The following GDA variants were observed in gnomAD, a reference collection of about 807,000 sequenced individuals.
The protein encoded by GDA is guanine deaminase.
GDA carries 18 observed loss-of-function variants against 59.6 expected under a neutral mutation model. The ratio of observed to expected loss-of-function variants is 0.30; its 90% CI spans 0.21 to 0.45. The LOEUF (loss-of-function observed/expected upper bound fraction) is 0.45. Ranked by LOEUF, GDA falls within the 20% of genes least tolerant of loss-of-function variation. The pLI, the probability that GDA is intolerant of heterozygous loss-of-function variation, is 1.00. For synonymous variants in GDA, 201 were observed against 201.1 expected (o/e 1.00, Z 0.00); for missense variants, 427 against 552.3 (o/e 0.77, Z 2.27).
At chr9:72,259,407 C>T (rs368816068), downstream of GDA, among the ~76,000 whole-genome samples, 1 of 152,186 alleles carries the variant, frequency 6.6e-6, no homozygotes, top group Non-Finnish European at 1.5e-5. Flanking sequence ...ATGGCCTGTC[C>T]TGGATGCCAG....
chr9:72,134,517 C>A (rs1454428282), intron 1 of GDA, among the ~76,000 whole-genome samples: 3 of 151,938 alleles, frequency 2.0e-5, no homozygotes, highest in African/African-American at 7.2e-5. Flanking sequence ...TTCTCCTGCC[C>A]CAGCCACATG....
intron 1 of GDA, among the ~76,000 whole-genome samples, chr9:72,176,551 T>C (rs1292170746): frequency 1.3e-5 from 2 of 152,202 alleles, no homozygotes; most frequent in African/African-American, 2.4e-5. Context: ...TAATTTCGGG[T>C]ACAGCATCCC....
chr9:72,215,438 T>G (rs1169582704), intron 5 of GDA, among the ~76,000 whole-genome samples: 1 of 152,178 alleles, frequency 6.6e-6, no homozygotes, highest in African/African-American at 2.4e-5. Flanking sequence ...TCGTCCTACC[T>G]TGGGAACAGG....
intron 1 of GDA, among the ~76,000 whole-genome samples, chr9:72,185,710 A>G (rs967605253): frequency 9.2e-5 from 14 of 152,202 alleles, no homozygotes; most frequent in African/African-American, 3.4e-4. Context: ...CTCAAAGAGC[A>G]GTTTACTTTG....
intron 1 of GDA, among the ~76,000 whole-genome samples, chr9:72,174,754 A>T (rs1830357204): frequency 6.6e-6 from 1 of 151,156 alleles, no homozygotes; most frequent in Non-Finnish European, 1.5e-5. Flanking sequence ...TTATATATAT[A>T]TATATATAGA....
rs1840400501 is a variant in GDA, at chr9:72,248,664, A to C, written c.*322A>C. 9.6e-7 allele frequency: 1 copy of C among 1,046,104 alleles called. No homozygotes were observed. Among genetic ancestry groups the C allele is most frequent in the Non-Finnish European group, 1.2e-6 (1 of 868,174 alleles). 64.8% of individuals were successfully genotyped at this position (1,046,104 alleles called of 1,614,324 possible). A position where few individuals can be genotyped will look rare whatever the true frequency, so the allele number is the denominator to read the frequency against. The stretch of plus-strand genomic sequence containing the variant: ...TTAAGCAAAGCCTTTTTCATATTTG[A>C]AAATGTGGAAAGAAAAGATGTTCCT... On this transcript the variant is annotated 3_prime_UTR_variant, in exon 14 of 14. Coordinates refer to ENST00000358399, the MANE Select transcript of GDA (RefSeq NM_004293.5).
At chr9:72,144,261 A>G (rs988755768) in intron 1 of GDA, among the ~76,000 whole-genome samples, 4 of 152,196 alleles carry the variant, frequency 2.6e-5, no homozygotes, top group African/African-American at 9.6e-5. Flanking sequence ...CTTTAAAACA[A>G]GTAATATCAA....
chr9:72,176,933 C>T (rs181157427), intron 1 of GDA, among the ~76,000 whole-genome samples: 1 of 152,188 alleles, frequency 6.6e-6, no homozygotes, highest in East Asian at 1.9e-4. Flanking sequence ...TGAAAACACA[C>T]TACTAATTCT....
chr9:72,198,846 G>GATAGATATATATATAT (rs1554669169), intron 2 of GDA, among the ~76,000 whole-genome samples: 2 of 128,574 alleles, frequency 1.6e-5, no homozygotes, highest in Admixed American at 7.4e-5. Flanking sequence ...TATATAGGGG[G>GATAGATATATATATAT]ATATATATAT....
At chr9:72,221,732 C>T (rs1836903647) in intron 6 of GDA, among the ~76,000 whole-genome samples, 1 of 152,136 alleles carries the variant, frequency 6.6e-6, no homozygotes, top group Non-Finnish European at 1.5e-5. Context: ...CCGATAGGCC[C>T]CAGTGTTTGT....
In GDA at chr9:72,208,058, G is replaced by A. The variant is rs1484254390; in HGVS notation, c.385-2629G>A. Among the ~76,000 whole-genome samples the A allele has an allele frequency of 2.0e-5, 3 of 152,216 alleles. No individual in the cohort carries two copies. The East Asian group carries it at 5.8e-4, about 29-fold the overall frequency. Reference sequence around the variant, plus strand: ...TCAAGGTTACAGTGAGCTGTGATGTGTGATGGCACCTCTGCACTCCAGAGC... The same window carrying A: ...TCAAGGTTACAGTGAGCTGTGATGTATGATGGCACCTCTGCACTCCAGAGC... On this transcript the variant is annotated intron_variant, in intron 3 of 13. Coordinates refer to ENST00000358399, the MANE Select transcript of GDA (RefSeq NM_004293.5).
At chr9:72,235,277 G>A (rs189083844) in intron 10 of GDA, among the ~76,000 whole-genome samples, 2 of 152,222 alleles carry the variant, frequency 1.3e-5, no homozygotes, top group East Asian at 3.9e-4. Context: ...GAAATACATG[G>A]CACTTATTTT....
intron 1 of GDA, among the ~76,000 whole-genome samples, chr9:72,191,832 C>A (rs1832595912): frequency 1.3e-5 from 2 of 152,160 alleles, no homozygotes; most frequent in Admixed American, 1.3e-4. Flanking sequence ...AGGTGATCCA[C>A]CCACCTCGGC....
chr9:72,212,503 C>T (rs929658675), intron 4 of GDA, among the ~76,000 whole-genome samples: 3 of 151,664 alleles, frequency 2.0e-5, no homozygotes, highest in Admixed American at 1.3e-4. Flanking sequence ...AGAATAGTAG[C>T]AGTATGTTGC....
rs536401790 is a variant in GDA, at chr9:72,212,473, C to T, written c.473-1413C>T. Among the ~76,000 whole-genome samples, 23 of 151,022 alleles carry T rather than the reference C, an allele frequency of 1.5e-4. No homozygotes were observed. In the South Asian group the frequency reaches 1.7e-3, roughly 11 times the overall value. ...CTCCAGCCTGGGCGACAGAGTGAGA[C>T]GCCACCTTAAAAAAAAAAAAGAATA... On this transcript the variant is annotated intron_variant, in intron 4 of 13. Transcript: ENST00000358399.
intron 1 of GDA, among the ~76,000 whole-genome samples, chr9:72,188,953 A>G (rs1832184970): frequency 6.6e-6 from 1 of 151,856 alleles, no homozygotes; most frequent in Non-Finnish European, 1.5e-5. Flanking sequence ...GTTTTTTCCC[A>G]TTGGGTTTTG....
chr9:72,118,785 C>T, intron 1 of GDA, among the ~76,000 whole-genome samples: 1 of 152,120 alleles, frequency 6.6e-6, no homozygotes, highest in East Asian at 1.9e-4. Flanking sequence ...CGCTCATATA[C>T]TGATGGTGAG....
At chr9:72,247,565 T>G in intron 13 of GDA, 132 bp downstream of exon 13, 2 of 635,776 alleles carry the variant, frequency 3.1e-6, no homozygotes, top group Non-Finnish European at 5.6e-6. Context: ...GATTCATTAT[T>G]TTTTTAACAG....
chr9:72,144,877 T>A (rs1826566930), upstream of GDA, among the ~76,000 whole-genome samples: 1 of 151,956 alleles, frequency 6.6e-6, no homozygotes, highest in Non-Finnish European at 1.5e-5. Flanking sequence ...CATCTCAAAT[T>A]TTTGGTGTAT....
Sources: allele counts gnomAD v4.1 joint callset (sites outside exome capture counted in the v4.1 genomes callset), GRCh38; gene constraint gnomAD v4.1.1; transcripts MANE v1.5; gene names NCBI Gene and HGNC (gene_info 2026-07-23, HGNC 2026-07-21).